The following EBF1 variants were observed in gnomAD, a reference collection of about 807,000 sequenced individuals.
The protein encoded by EBF1 is transcription factor COE1.
Under a neutral mutation model 68.4 loss-of-function variants are expected in EBF1, and 10 were observed. The observed-to-expected ratio is 0.15, with a 90% confidence interval of 0.09 to 0.25. The LOEUF (loss-of-function observed/expected upper bound fraction) is 0.25. Among genes scored for constraint, EBF1 ranks in the 10% least tolerant of loss-of-function variants. The pLI is 1.00. For synonymous variants in EBF1, 298 were observed against 299.8 expected (o/e 0.99, Z 0.06); for missense variants, 509 against 794.4 (o/e 0.64, Z 4.32).
intron 6 of EBF1, among the ~76,000 whole-genome samples, chr5:158,875,325 T>C (rs1021409006): frequency 6.6e-6 from 1 of 152,154 alleles, no homozygotes; most frequent in Non-Finnish European, 1.5e-5. Flanking sequence ...TTCCAAGTGA[T>C]TTTTTTAACC....
chr5:158,780,145 G>A (rs977123699), intron 9 of EBF1, among the ~76,000 whole-genome samples: 4 of 152,174 alleles, frequency 2.6e-5, no homozygotes, highest in Non-Finnish European at 4.4e-5. Flanking sequence ...ATCACTCAAA[G>A]AACTGTAGAA....
chr5:159,091,990 C>G (rs948415241), intron 4 of EBF1, among the ~76,000 whole-genome samples: 3 of 152,062 alleles, frequency 2.0e-5, no homozygotes, highest in Non-Finnish European at 4.4e-5. Flanking sequence ...AAATATCACT[C>G]TTTTAAAGCA....
At chr5:158,845,160 G>A (rs951576399) in intron 6 of EBF1, among the ~76,000 whole-genome samples, 2 of 152,114 alleles carry the variant, frequency 1.3e-5, no homozygotes, top group African/African-American at 4.8e-5. Context: ...TGGAGTCTAG[G>A]GTCTGCAAGG....
In EBF1 at chr5:158,838,269, C is replaced by T. The variant is rs1789292673; in HGVS notation, c.636+1760G>A. Among the ~76,000 whole-genome samples the T allele has an allele frequency of 2.6e-5, 4 of 151,896 alleles. No homozygotes were observed. The South Asian group carries it at 6.2e-4, about 24-fold the overall frequency. ...GACCATCCTGGCTAACACAGTGAAACCCTGTCTCCACTAAAAATACAAAAA... is the reference window on the plus strand; with the variant it reads ...GACCATCCTGGCTAACACAGTGAAATCCTGTCTCCACTAAAAATACAAAAA... On this transcript the variant is annotated intron_variant, in intron 7 of 15. Transcript: ENST00000313708.
chr5:158,777,381 G>C, intron 10 of EBF1, 32 bp downstream of exon 10: 3 of 1,581,296 alleles, frequency 1.9e-6, no homozygotes, highest in Non-Finnish European at 2.6e-6. Context: ...GACCACGGCA[G>C]TTCTGTGCTC....
At chr5:159,001,822 T>A (rs1333911118) in intron 6 of EBF1, among the ~76,000 whole-genome samples, 11 of 152,202 alleles carry the variant, frequency 7.2e-5, no homozygotes, top group Admixed American at 7.2e-4. Context: ...GCTTAGTTAA[T>A]CTCCTTACCA....
At chr5:158,880,597 T>A (rs1243705352) in intron 6 of EBF1, among the ~76,000 whole-genome samples, 2 of 152,136 alleles carry the variant, frequency 1.3e-5, no homozygotes, top group Admixed American at 1.3e-4. Context: ...ATGATGCAGA[T>A]CAAAATGCAA....
At chr5:158,865,947 C>T (rs1795793288) in intron 6 of EBF1, among the ~76,000 whole-genome samples, 3 of 152,164 alleles carry the variant, frequency 2.0e-5, no homozygotes, top group African/African-American at 4.8e-5. Context: ...TCAATAAATA[C>T]TAGTAAGAGT....
intron 6 of EBF1, among the ~76,000 whole-genome samples, chr5:159,059,224 CAG>C (rs1775346763): frequency 1.3e-5 from 2 of 152,100 alleles, no homozygotes; most frequent in African/African-American, 2.4e-5. Flanking sequence ...TATAATATAA[CAG>C]AGTTTCCTGA....
intron 14 of EBF1, among the ~76,000 whole-genome samples, chr5:158,709,996 TG>T (rs1404665486): frequency 6.6e-6 from 1 of 152,252 alleles, no homozygotes; most frequent in African/African-American, 2.4e-5. Flanking sequence ...CAGCTCCATT[TG>T]TTATAACATT....
chr5:159,038,417 C>T lies in EBF1; in HGVS notation c.554+34979G>A, dbSNP rs141733448. Among the ~76,000 whole-genome samples, 229 of 152,224 alleles carry T rather than the reference C, an allele frequency of 1.5e-3. 1 individual carries two copies. The highest frequency in any genetic ancestry group is 5.0e-3 in the African/African-American group (208 of 41,516). Reference sequence around the variant, plus strand: ...ACATTCTCCAGTCGAGATGGACCTACCTACTCATATCAAAGGGAGACATTA... The same window carrying T: ...ACATTCTCCAGTCGAGATGGACCTATCTACTCATATCAAAGGGAGACATTA... On this transcript the variant is annotated intron_variant, in intron 6 of 15. Transcript: ENST00000313708.
intron 6 of EBF1, among the ~76,000 whole-genome samples, chr5:159,011,383 T>C (rs563446930): frequency 2.6e-5 from 4 of 152,334 alleles, no homozygotes; most frequent in East Asian, 3.9e-4. Flanking sequence ...TCTGAGAGTA[T>C]ATTTTTGTTA....
chr5:158,814,630 C>T (rs1001618502), intron 8 of EBF1, among the ~76,000 whole-genome samples: 3 of 152,138 alleles, frequency 2.0e-5, no homozygotes, highest in Non-Finnish European at 4.4e-5. Context: ...ACAAACTCTT[C>T]AGTATCCTAA....
At chr5:158,846,367 A>G (rs141795281) in intron 6 of EBF1, among the ~76,000 whole-genome samples, 106 of 152,344 alleles carry the variant, frequency 7.0e-4, no homozygotes, top group African/African-American at 2.5e-3. Flanking sequence ...TCCTGCCTCC[A>G]TGTCCAAGCC....
intron 6 of EBF1, among the ~76,000 whole-genome samples, chr5:158,990,589 A>G (rs1760117220): frequency 6.6e-6 from 1 of 152,208 alleles, no homozygotes; most frequent in African/African-American, 2.4e-5. Flanking sequence ...GTGATTCCAT[A>G]CAGAACTGGG....
intron 5 of EBF1, among the ~76,000 whole-genome samples, chr5:159,076,333 G>A (rs1294128127): frequency 6.6e-6 from 1 of 152,114 alleles, no homozygotes; most frequent in African/African-American, 2.4e-5. Flanking sequence ...ATAAATCCAA[G>A]GCATTGTTGA....
intron 5 of EBF1, among the ~76,000 whole-genome samples, chr5:159,075,278 T>G (rs1048749683): frequency 6.6e-6 from 1 of 152,168 alleles, no homozygotes; most frequent in Non-Finnish European, 1.5e-5. Flanking sequence ...TATCACCCCC[T>G]GCACCTACCC....
chr5:158,814,430 C>T (rs1390628886), intron 8 of EBF1, among the ~76,000 whole-genome samples: 1 of 152,172 alleles, frequency 6.6e-6, no homozygotes, highest in African/African-American at 2.4e-5. Context: ...CCCAAATCTC[C>T]CCTACAACAC....
At chr5:158,823,134 A>G (rs771845625) in intron 8 of EBF1, 42 bp downstream of exon 8, 2 of 1,613,348 alleles carry the variant, frequency 1.2e-6, no homozygotes, top group Non-Finnish European at 1.7e-6. Flanking sequence ...ATATATTCAC[A>G]GTTAAAGTAG....
Sources: gnomAD v4.1 joint callset for allele counts (sites outside exome capture counted in the v4.1 genomes callset) on GRCh38, gnomAD v4.1.1 for gene constraint, MANE v1.5 for transcripts, NCBI Gene and HGNC (gene_info 2026-07-23, HGNC 2026-07-21) for gene names.